Variants in ALK observed in about 807,000 individuals in gnomAD.
The protein encoded by ALK is ALK tyrosine kinase receptor.
Under a neutral mutation model 163.1 loss-of-function variants are expected in ALK, and 74 were observed. The observed-to-expected ratio is 0.45, with a 90% CI of 0.38 to 0.55. The LOEUF (loss-of-function observed/expected upper bound fraction) is 0.55. Ranked by LOEUF, ALK falls within the 20% of genes least tolerant of loss-of-function variation. The pLI, the probability that ALK is intolerant of heterozygous loss-of-function variation, is 0.00. For synonymous variants in ALK, 960 were observed against 843.2 expected (o/e 1.14, Z -2.40); for missense variants, 2,063 against 2,105.3 (o/e 0.98, Z 0.39).
rs550119798 is a variant in ALK, at chr2:29,352,852, G to A, written c.1283-24371C>T. On this transcript the variant is annotated intron_variant, in intron 5 of 28. Coordinates refer to ENST00000389048, the MANE Select transcript of ALK (RefSeq NM_004304.5). Reference sequence around the variant, plus strand: ...TCATAACTGATAAAATTATGACAGTGAAAGAGATCTGACCTGATTCCATTT... The same window carrying A: ...TCATAACTGATAAAATTATGACAGTAAAAGAGATCTGACCTGATTCCATTT... Among the ~76,000 whole-genome samples the A allele has an allele frequency of 3.9e-5, 6 of 152,312 alleles. No homozygotes were observed. In the South Asian group the frequency reaches 1.2e-3, roughly 32 times the overall value.
intron 1 of ALK, among the ~76,000 whole-genome samples, chr2:29,864,199 C>G (rs779359545): frequency 2.0e-5 from 3 of 152,162 alleles, no homozygotes; most frequent in Non-Finnish European, 2.9e-5. Flanking sequence ...TTGTCCCTGG[C>G]TACGTACACA....
At chr2:29,288,344 G>T (rs1665914425) in intron 9 of ALK, among the ~76,000 whole-genome samples, 1 of 152,146 alleles carries the variant, frequency 6.6e-6, no homozygotes. Flanking sequence ...TTTCACTTGG[G>T]TCCTGACCAC....
chr2:29,899,858 A>AAAGAAAGAAAGAG, intron 1 of ALK: 1 of 152,476 alleles, frequency 6.6e-6, no homozygotes, highest in African/African-American at 2.4e-5. Context: ...AAAGAAAGAG[A>AAAGAAAGAAAGAG]AAAAAAGAAA....
At chr2:29,790,441 T>G (rs1664161435) in intron 1 of ALK, among the ~76,000 whole-genome samples, 1 of 152,182 alleles carries the variant, frequency 6.6e-6, no homozygotes, top group Admixed American at 6.5e-5. Flanking sequence ...TGACACACAT[T>G]CTTGTGGACC....
chr2:29,788,757 C>T (rs1664109801), intron 1 of ALK, among the ~76,000 whole-genome samples: 1 of 152,168 alleles, frequency 6.6e-6, no homozygotes, highest in Non-Finnish European at 1.5e-5. Context: ...GCTTTACAAC[C>T]TGGAGGGCTA....
intron 1 of ALK, among the ~76,000 whole-genome samples, chr2:29,752,178 CT>C (rs1004579884): frequency 6.6e-6 from 1 of 151,074 alleles, no homozygotes; most frequent in African/African-American, 2.4e-5. Flanking sequence ...TAAATTTTGC[CT>C]TTTTTTGTTT....
intron 1 of ALK, among the ~76,000 whole-genome samples, chr2:29,868,459 T>A (rs1300376364): frequency 6.6e-6 from 1 of 152,086 alleles, no homozygotes; most frequent in Non-Finnish European, 1.5e-5. Context: ...AGATGATAAG[T>A]GTAATTGAAG....
At chr2:29,577,849 A>T (rs557857230) in intron 3 of ALK, among the ~76,000 whole-genome samples, 1 of 152,354 alleles carries the variant, frequency 6.6e-6, no homozygotes, top group South Asian at 2.1e-4. Context: ...TTCGTCAGAC[A>T]CCCAAGACCT....
chr2:29,615,085 C>T (rs1031794342), intron 3 of ALK, among the ~76,000 whole-genome samples: 2 of 152,196 alleles, frequency 1.3e-5, no homozygotes, highest in East Asian at 3.8e-4. Context: ...TCCCGAAGTA[C>T]TGGGCCTGCA....
chr2:29,409,734 A>T (rs919438298), intron 4 of ALK, among the ~76,000 whole-genome samples: 6 of 152,136 alleles, frequency 3.9e-5, no homozygotes. Context: ...GCCTTTCTTT[A>T]CTAAGACTCT....
intron 3 of ALK, among the ~76,000 whole-genome samples, chr2:29,573,053 A>G (rs1326182520): frequency 6.6e-6 from 1 of 152,166 alleles, no homozygotes; most frequent in East Asian, 1.9e-4. Context: ...ATTTCTGGGT[A>G]AGCTGCAGGG....
At chr2:29,640,799 T>C (rs1006924366) in intron 3 of ALK, among the ~76,000 whole-genome samples, 1 of 152,124 alleles carries the variant, frequency 6.6e-6, no homozygotes, top group Admixed American at 6.5e-5. Context: ...CCGCTACCAA[T>C]GGTGAAGTGC....
At chr2:29,341,434 C>T (rs990545976) in intron 5 of ALK, among the ~76,000 whole-genome samples, 23 of 152,274 alleles carry the variant, frequency 1.5e-4, no homozygotes, top group African/African-American at 5.1e-4. Context: ...CAGTGAGTAG[C>T]GAGAGGCTGG....
intron 1 of ALK, among the ~76,000 whole-genome samples, chr2:29,829,822 G>T (rs1249564321): frequency 6.6e-6 from 1 of 152,172 alleles, no homozygotes; most frequent in Non-Finnish European, 1.5e-5. Context: ...CAGCCTGCAT[G>T]GCCCTAACCT....
chr2:29,505,525 A>G (rs1672295625), intron 4 of ALK, among the ~76,000 whole-genome samples: 1 of 152,058 alleles, frequency 6.6e-6, no homozygotes. Context: ...TGGGGAGCTT[A>G]GGGGGAGTTC....
intron 2 of ALK, among the ~76,000 whole-genome samples, chr2:29,695,630 T>C (rs1343708871): frequency 6.6e-6 from 1 of 152,002 alleles, no homozygotes; most frequent in East Asian, 1.9e-4. Flanking sequence ...AAAGGGCTAA[T>C]AACTAGAATC....
chr2:29,298,884 T>A (rs1573205368), intron 8 of ALK, among the ~76,000 whole-genome samples: 1 of 152,286 alleles, frequency 6.6e-6, no homozygotes, highest in Non-Finnish European at 1.5e-5. Context: ...ACTGCCCTCC[T>A]TTCCCTCCTT....
intron 26 of ALK, among the ~76,000 whole-genome samples, chr2:29,200,670 G>A (rs922024863): frequency 1.6e-5 from 2 of 125,178 alleles, no homozygotes; most frequent in Non-Finnish European, 3.7e-5. Context: ...AAACAGGAGC[G>A]ACAAAAGCCC....
At chr2:29,264,830 G>T (rs1308379255) in intron 11 of ALK, among the ~76,000 whole-genome samples, 1 of 152,148 alleles carries the variant, frequency 6.6e-6, no homozygotes, top group East Asian at 1.9e-4. Flanking sequence ...TTTTGTTAGT[G>T]TAAGTGGACG....
Sources: gnomAD v4.1 joint callset for allele counts (sites outside exome capture counted in the v4.1 genomes callset) on GRCh38, gnomAD v4.1.1 for gene constraint, MANE v1.5 for transcripts, NCBI Gene and HGNC (gene_info 2026-07-23, HGNC 2026-07-21) for gene names.